MOB3B: variants seen among roughly 807,000 people sequenced by gnomAD.
The protein encoded by MOB3B is MOB kinase activator 3B.
In MOB3B, 7 loss-of-function variants were observed where a neutral mutation model predicts 18.7. The observed-to-expected ratio is 0.37, with a 90% CI of 0.21 to 0.70. The LOEUF (loss-of-function observed/expected upper bound fraction) is 0.70, where lower values mean the gene tolerates loss of function less well. MOB3B is among the 30% of genes least tolerant of loss of function. MOB3B has a pLI of 0.52. For synonymous variants in MOB3B, 111 were observed against 99.9 expected (o/e 1.11, Z -0.66); for missense variants, 253 against 281.3 (o/e 0.90, Z 0.72).
chr9:27,399,480 G>C (rs1821845310), intron 2 of MOB3B, among the ~76,000 whole-genome samples: 1 of 152,152 alleles, frequency 6.6e-6, no homozygotes, highest in Non-Finnish European at 1.5e-5. Context: ...CCCTGTTAGG[G>C]AACAGAAAGC....
At chr9:27,457,531 T>A (rs867532114) in intron 1 of MOB3B, among the ~76,000 whole-genome samples, 12 of 152,182 alleles carry the variant, frequency 7.9e-5, no homozygotes, top group Admixed American at 7.2e-4. Flanking sequence ...GATTCCCCCT[T>A]ATCAACTCTG....
At chr9:27,355,454 T>C (rs1362739998) in intron 3 of MOB3B, among the ~76,000 whole-genome samples, 1 of 152,262 alleles carries the variant, frequency 6.6e-6, no homozygotes, top group African/African-American at 2.4e-5. Flanking sequence ...GCCAAATGCC[T>C]GACTCCTTCA....
chr9:27,331,997 T>C (rs965881058), intron 3 of MOB3B, among the ~76,000 whole-genome samples: 1 of 152,228 alleles, frequency 6.6e-6, no homozygotes, highest in African/African-American at 2.4e-5. Flanking sequence ...GTATATCTAA[T>C]TTTTTCAATT....
chr9:27,401,441 G>A (rs757722356), intron 2 of MOB3B, among the ~76,000 whole-genome samples: 4 of 152,208 alleles, frequency 2.6e-5, no homozygotes, highest in Non-Finnish European at 5.9e-5. Context: ...CCTGGTCCAC[G>A]GAGGTGGGAC....
At chr9:27,475,256 C>A (rs553052997) in intron 1 of MOB3B, among the ~76,000 whole-genome samples, 1 of 152,130 alleles carries the variant, frequency 6.6e-6, no homozygotes, top group African/African-American at 2.4e-5. Context: ...AGCTCCGAGG[C>A]GGCTCCTTCC....
chr9:27,502,007 A>G (rs2492823), intron 1 of MOB3B, among the ~76,000 whole-genome samples: 37,805 of 152,100 alleles, frequency 0.25, 4,889 homozygotes, highest in East Asian at 0.34. Context: ...GGCAAAGACT[A>G]GAATCTGACC....
chr9:27,333,296 T>C (rs1440693676), intron 3 of MOB3B, among the ~76,000 whole-genome samples: 4 of 152,094 alleles, frequency 2.6e-5, no homozygotes, highest in Non-Finnish European at 5.9e-5. Context: ...TTCAAAGCTC[T>C]GCAAGACTCT....
intron 1 of MOB3B, among the ~76,000 whole-genome samples, chr9:27,512,834 G>GA: frequency 6.6e-6 from 1 of 152,112 alleles, no homozygotes; most frequent in South Asian, 2.1e-4. Flanking sequence ...GTTATCCATG[G>GA]TTTAAATCAA....
rs1030327144 is a variant in MOB3B, at chr9:27,327,556, A to G, written c.*3031T>C. 6.6e-6 allele frequency: 1 copy of G among 152,152 alleles called. No individual in the cohort carries two copies. Among genetic ancestry groups the G allele is most frequent in the East Asian group, 1.9e-4 (1 of 5,200 alleles). The allele number at this position is 152,152 out of a possible 1,614,324, so 9.4% of individuals were successfully genotyped here. On this transcript the variant is annotated 3_prime_UTR_variant, in exon 4 of 4. Transcript: ENST00000262244. ...CAGTGTCATGAAAGACACACCACAC[A>G]CACACACACTGCACATCATACACAA...
chr9:27,448,270 CTA>C (rs1236517869), intron 2 of MOB3B, among the ~76,000 whole-genome samples: 2 of 152,188 alleles, frequency 1.3e-5, no homozygotes, highest in African/African-American at 4.8e-5. Flanking sequence ...GGAAATTATA[CTA>C]CCTGCCTTAC....
intron 1 of MOB3B, among the ~76,000 whole-genome samples, chr9:27,494,217 C>T (rs142440917): frequency 0.015 from 2,347 of 152,238 alleles, 68 homozygotes; most frequent in African/African-American, 0.054. Flanking sequence ...ACAATGGTGC[C>T]CGAAACTTCA....
intron 1 of MOB3B, among the ~76,000 whole-genome samples, chr9:27,459,099 C>T (rs2131454234): frequency 6.6e-6 from 1 of 152,158 alleles, no homozygotes; most frequent in East Asian, 1.9e-4. Context: ...AAGAGGCACC[C>T]ATCTGTGTCT....
Position 27,467,570 on chromosome 9 carries a change from C to T in MOB3B, c.-198-11822G>A, listed in dbSNP as rs1035389706. 7.9e-5 allele frequency among the ~76,000 whole-genome samples: 12 copies of T among 152,338 alleles called. No homozygotes were observed. The East Asian group carries it at 1.5e-3, about 20-fold the overall frequency. ...CAGAGGGAAGCACCATTTCCCCACT[C>T]GTGGTTTGGATGAGGAAGAATTTTC... On this transcript the variant is annotated intron_variant, in intron 1 of 3. Coordinates refer to ENST00000262244, the MANE Select transcript of MOB3B (RefSeq NM_024761.5).
rs761351940 is a variant in MOB3B at position 27,328,202 on chromosome 9, AAAG to A, written c.*2382_*2384del. On this transcript the variant is annotated 3_prime_UTR_variant, in exon 4 of 4. Coordinates refer to ENST00000262244, the MANE Select transcript of MOB3B (RefSeq NM_024761.5). ...TCCCAAAATTAAAATGAAAGCAGAA[AAAG>A]AAGGAGAGTAGGACAGGTTAGGAAG... The A allele has an allele frequency of 4.6e-5, 7 of 152,328 alleles. No homozygotes were observed. The East Asian group carries it at 1.3e-3, about 29-fold the overall frequency. 9.4% of individuals were successfully genotyped at this position (152,328 alleles called of 1,614,324 possible).
intron 3 of MOB3B, among the ~76,000 whole-genome samples, chr9:27,334,801 A>G (rs1563842780): frequency 1.3e-5 from 2 of 150,986 alleles, no homozygotes; most frequent in Admixed American, 1.3e-4. Flanking sequence ...ATCATCACAC[A>G]TTTTAGTAAT....
chr9:27,332,300 A>C (rs1342869016), intron 3 of MOB3B, among the ~76,000 whole-genome samples: 2 of 152,164 alleles, frequency 1.3e-5, no homozygotes, highest in Non-Finnish European at 2.9e-5. Flanking sequence ...TTTTGGCTTA[A>C]CTCTTGATGA....
intron 1 of MOB3B, among the ~76,000 whole-genome samples, chr9:27,499,765 C>T (rs1311316815): frequency 1.3e-5 from 2 of 152,030 alleles, no homozygotes; most frequent in Non-Finnish European, 1.5e-5. Flanking sequence ...TTTTTTTCTG[C>T]ACTAGTACAG....
intron 1 of MOB3B, among the ~76,000 whole-genome samples, chr9:27,472,113 T>C (rs1451909265): frequency 2.0e-5 from 3 of 152,240 alleles, no homozygotes; most frequent in East Asian, 3.8e-4. Context: ...TGCATGGAAA[T>C]AGTTATCTTG....
At chr9:27,447,302 C>A (rs2131441084) in intron 2 of MOB3B, among the ~76,000 whole-genome samples, 1 of 152,300 alleles carries the variant, frequency 6.6e-6, no homozygotes, top group African/African-American at 2.4e-5. Context: ...GACAGCCTGC[C>A]TCTCCAAGCT....
Sources: allele counts gnomAD v4.1 joint callset (sites outside exome capture counted in the v4.1 genomes callset), GRCh38; gene constraint gnomAD v4.1.1; transcripts MANE v1.5; gene names NCBI Gene and HGNC (gene_info 2026-07-23, HGNC 2026-07-21).